Variants in VEPH1 observed in about 807,000 individuals in gnomAD.
VEPH1 encodes ventricular zone-expressed PH domain-containing protein homolog 1.
A neutral mutation model predicts 85.2 loss-of-function variants in VEPH1; 80 were observed. That is an observed-to-expected ratio of 0.94 (90% CI 0.78 to 1.13). The LOEUF (loss-of-function observed/expected upper bound fraction) is 1.13, where lower values mean the gene tolerates loss of function less well. Ranked by LOEUF, VEPH1 falls within the 50% of genes most tolerant of loss-of-function variation. The pLI is 0.00. For missense variants in VEPH1, 955 were observed against 980.5 expected, an observed-to-expected ratio of 0.97 and a Z score of 0.35; for synonymous variants, 297 against 348.0, an observed-to-expected ratio of 0.85 and a Z score of 1.63.
At chr3:157,458,304 A>T (rs1364385386) in intron 4 of VEPH1, among the ~76,000 whole-genome samples, 6 of 151,860 alleles carry the variant, frequency 4.0e-5, no homozygotes, top group Non-Finnish European at 7.4e-5. Flanking sequence ...TTTTAAATTT[A>T]TTTGTGTCTT....
At chr3:157,390,874 A>G (rs1729790488) in intron 6 of VEPH1, among the ~76,000 whole-genome samples, 1 of 152,214 alleles carries the variant, frequency 6.6e-6, no homozygotes. Flanking sequence ...ACACGCTGTA[A>G]CATCCCCTCG....
At chr3:157,467,589 C>A (rs1334387063) in intron 3 of VEPH1, among the ~76,000 whole-genome samples, 2 of 152,208 alleles carry the variant, frequency 1.3e-5, no homozygotes, top group East Asian at 3.8e-4. Flanking sequence ...GTTCCTGGTG[C>A]TGCATTTCTG....
intron 2 of VEPH1, among the ~76,000 whole-genome samples, chr3:157,484,411 C>T (rs1312812919): frequency 6.6e-6 from 1 of 152,088 alleles, no homozygotes; most frequent in Admixed American, 6.6e-5. Context: ...AAATGATCCT[C>T]TTGCCTCACC....
rs140228993 is a variant in VEPH1 at position 157,395,072 on chromosome 3, A to T, written c.907-13696T>A. On this transcript the variant is annotated intron_variant, in intron 6 of 13. Coordinates refer to ENST00000362010, the MANE Select transcript of VEPH1 (RefSeq NM_001167912.2). ...GGATCAAGGGGAGCATGGTAAGACC[A>T]GTGAACGCCATGATCACGAATGCAT... is the stretch of plus-strand genomic sequence containing the variant. 7.9e-5 allele frequency among the ~76,000 whole-genome samples: 12 copies of T among 152,340 alleles called. No individual in the cohort carries two copies. In the East Asian group the frequency reaches 1.5e-3, roughly 20 times the overall value.
intron 6 of VEPH1, among the ~76,000 whole-genome samples, chr3:157,406,190 G>T (rs981082113): frequency 6.6e-6 from 1 of 152,126 alleles, no homozygotes; most frequent in Non-Finnish European, 1.5e-5. Context: ...ACCAACCAAG[G>T]TTTAAGAAAA....
In VEPH1 at chr3:157,495,235, T is replaced by A; in HGVS notation, c.115A>T (p.Ile39Phe). Residue 39 changes from isoleucine to phenylalanine, a missense_variant, in exon 2 of 14, where the codon ATT becomes TTT. Coordinates refer to ENST00000362010, the MANE Select transcript of VEPH1 (RefSeq NM_001167912.2). ...EDSLTEALEQ[I>F]KIISSSSDYQ... ...ACTGAAGATGAGCTAATTATCTTAA[T>A]TTGCTCCAAAGCTTCTGTAAGGCTG... 1 of 1,613,986 alleles carries A rather than the reference T, an allele frequency of 6.2e-7. No homozygotes were observed. The highest frequency in any genetic ancestry group is 8.5e-7 in the Non-Finnish European group (1 of 1,179,904).
At position 157,378,667 on chromosome 3, in the gene VEPH1, G is replaced by A. The variant is rs533832080; in HGVS notation, c.1127+2489C>T. On this transcript the variant is annotated intron_variant, in intron 7 of 13. Transcript: ENST00000362010. The stretch of plus-strand genomic sequence containing the variant: ...TGTGTTGAAAGAAAAGGAATTTACC[G>A]ACTCTACCTCTGTGAATAGTTATTG... Among the ~76,000 whole-genome samples, 9 of 152,004 alleles carry A rather than the reference G, an allele frequency of 5.9e-5. No homozygotes were observed. The East Asian group carries it at 7.7e-4, about 13-fold the overall frequency.
intron 11 of VEPH1, among the ~76,000 whole-genome samples, chr3:157,293,442 G>T (rs902399101): frequency 2.0e-5 from 3 of 152,174 alleles, no homozygotes; most frequent in African/African-American, 7.2e-5. Context: ...GTCCCTATGT[G>T]TTGGGAAGAA....
intron 7 of VEPH1, among the ~76,000 whole-genome samples, chr3:157,368,767 A>C (rs993021079): frequency 6.6e-6 from 1 of 152,200 alleles, no homozygotes; most frequent in Non-Finnish European, 1.5e-5. Flanking sequence ...CTGGGATTAC[A>C]GGCGTGAGCC....
chr3:157,427,740 C>A (rs1465844615), intron 5 of VEPH1, among the ~76,000 whole-genome samples: 1 of 152,206 alleles, frequency 6.6e-6, no homozygotes, highest in African/African-American at 2.4e-5. Flanking sequence ...CAGGCAGGAG[C>A]CACCATGCTC....
At chr3:157,341,899 C>T (rs1055286522) in intron 9 of VEPH1, among the ~76,000 whole-genome samples, 3 of 151,986 alleles carry the variant, frequency 2.0e-5, no homozygotes, top group Non-Finnish European at 4.4e-5. Flanking sequence ...GAATTTTCAA[C>T]CCAGAATTTC....
intron 5 of VEPH1, 140 bp from the exon 6 acceptor site, chr3:157,414,230 T>A (rs1731733125): frequency 1.7e-6 from 1 of 601,416 alleles, no homozygotes; most frequent in Non-Finnish European, 2.9e-6. Context: ...CCCTCCTTGG[T>A]ACTCAGGCAA....
intron 9 of VEPH1, among the ~76,000 whole-genome samples, chr3:157,343,708 G>A (rs1413962713): frequency 6.6e-6 from 1 of 152,132 alleles, no homozygotes; most frequent in Non-Finnish European, 1.5e-5. Context: ...ACCAAAGCCT[G>A]GCAGAGACAC....
chr3:157,391,161 G>C (rs1462926886), intron 6 of VEPH1, among the ~76,000 whole-genome samples: 2 of 152,232 alleles, frequency 1.3e-5, no homozygotes, highest in African/African-American at 4.8e-5. Context: ...CCAGTAGTGT[G>C]AGTCAAGCAC....
At chr3:157,470,674 C>T (rs1736855440) in intron 2 of VEPH1, 145 bp from the exon 3 acceptor site, 6 of 687,280 alleles carry the variant, frequency 8.7e-6, no homozygotes, top group East Asian at 2.7e-5. Context: ...ACAATAAAGG[C>T]TTCCTTCCTT....
intron 12 of VEPH1, among the ~76,000 whole-genome samples, chr3:157,279,788 C>A (rs1359893964): frequency 6.6e-6 from 1 of 151,904 alleles, no homozygotes; most frequent in Admixed American, 6.6e-5. Flanking sequence ...GAGGCCGAGG[C>A]GGGCGGATCA....
At chr3:157,321,691 T>C (rs1343415673) in intron 9 of VEPH1, among the ~76,000 whole-genome samples, 1 of 152,100 alleles carries the variant, frequency 6.6e-6, no homozygotes, top group Non-Finnish European at 1.5e-5. Context: ...CGGACAGAGT[T>C]TTATGGGTAG....
chr3:157,401,447 A>G (rs2108976234), intron 6 of VEPH1, among the ~76,000 whole-genome samples: 1 of 152,238 alleles, frequency 6.6e-6, no homozygotes, highest in East Asian at 1.9e-4. Flanking sequence ...CAAGGTGCCT[A>G]TTTTTCTTTG....
At chr3:157,477,434 T>C (rs536695578) in intron 2 of VEPH1, among the ~76,000 whole-genome samples, 54 of 152,256 alleles carry the variant, frequency 3.5e-4, no homozygotes, top group African/African-American at 1.3e-3. Flanking sequence ...GAAAAGGTCC[T>C]TGCCCATGTA....
Sources: gnomAD v4.1 joint callset for allele counts (sites outside exome capture counted in the v4.1 genomes callset) on GRCh38, gnomAD v4.1.1 for gene constraint, MANE v1.5 for transcripts, NCBI Gene and HGNC (gene_info 2026-07-23, HGNC 2026-07-21) for gene names.